FRRS1: variants seen among roughly 807,000 people sequenced by gnomAD.
FRRS1 encodes ferric chelate reductase 1, also known as ferric reductase 1.
In FRRS1, 51 loss-of-function variants were observed where a neutral mutation model predicts 70.7. That is an observed-to-expected ratio of 0.72 (90% CI 0.58 to 0.91). The LOEUF is 0.91. Among genes scored for constraint, FRRS1 ranks in the 40% least tolerant of loss-of-function variants. FRRS1 has a pLI of 0.00. For missense variants in FRRS1, 672 were observed against 726.0 expected (o/e 0.93, Z 0.86); for synonymous variants, 225 against 238.7 (o/e 0.94, Z 0.53).
At chr1:99,758,117 A>G (rs1170837343) in intron 1 of FRRS1, among the ~76,000 whole-genome samples, 2 of 152,220 alleles carry the variant, frequency 1.3e-5, no homozygotes, top group Admixed American at 6.5e-5. Context: ...GGAATAGTCA[A>G]GTATGCATTG....
intron 7 of FRRS1, among the ~76,000 whole-genome samples, chr1:99,733,831 G>C (rs1433366561): frequency 6.6e-6 from 1 of 152,174 alleles, no homozygotes; most frequent in Non-Finnish European, 1.5e-5. Context: ...TTGGGGAACA[G>C]ATTATTCATA....
At chr1:99,753,525 C>T (rs1656678511) in intron 1 of FRRS1, among the ~76,000 whole-genome samples, 2 of 151,904 alleles carry the variant, frequency 1.3e-5, no homozygotes, top group Non-Finnish European at 1.5e-5. Flanking sequence ...CCCAACACTT[C>T]GGGAGGCTGA....
chr1:99,708,597 CAAAAAAAAAAAAA>C lies in FRRS1; in HGVS notation c.*418_*430del, dbSNP rs1158040637. ...TGGGCGACAGAGCAAGACTCTGTCT[CAAAAAAAAAAAAA>C]AAAAAAAAAAAAAAAATATATATAT... On this transcript the variant is annotated 3_prime_UTR_variant, in exon 17 of 17. Coordinates refer to ENST00000646001, the MANE Select transcript of FRRS1 (RefSeq NM_001361041.2). 3 of 12,722 alleles carry C rather than the reference CAAAAAAAAAAAAA, an allele frequency of 2.4e-4. No homozygotes were observed. Among genetic ancestry groups the C allele is most frequent in the Admixed American group, 1.6e-3 (1 of 622 alleles). The allele number at this position is 12,722 out of a possible 1,614,324, so 0.8% of individuals were successfully genotyped here. A position where few individuals can be genotyped will look rare whatever the true frequency, so the allele number is the denominator to read the frequency against.
At chr1:99,734,425 T>A (rs1655548381) in intron 7 of FRRS1, among the ~76,000 whole-genome samples, 1 of 152,176 alleles carries the variant, frequency 6.6e-6, no homozygotes, top group Non-Finnish European at 1.5e-5. Flanking sequence ...AAAATATGTA[T>A]TTATATACAC....
intron 6 of FRRS1, among the ~76,000 whole-genome samples, chr1:99,739,480 G>T (rs562667945): frequency 6.6e-6 from 1 of 152,258 alleles, no homozygotes; most frequent in African/African-American, 2.4e-5. Context: ...TAATTGTATG[G>T]TCAAACGAAA....
At chr1:99,754,005 A>G (rs1434901257) in intron 1 of FRRS1, among the ~76,000 whole-genome samples, 1 of 152,232 alleles carries the variant, frequency 6.6e-6, no homozygotes, top group African/African-American at 2.4e-5. Context: ...TTAATTTCAG[A>G]CAGTAGACTT....
At chr1:99,731,245 A>G (rs1655367639) in intron 7 of FRRS1, among the ~76,000 whole-genome samples, 1 of 152,198 alleles carries the variant, frequency 6.6e-6, no homozygotes, top group African/African-American at 2.4e-5. Flanking sequence ...TAAACTATCT[A>G]ACAAGGTTCT....
intron 1 of FRRS1, among the ~76,000 whole-genome samples, chr1:99,750,887 A>G (rs1656538940): frequency 6.6e-6 from 1 of 152,210 alleles, no homozygotes; most frequent in Non-Finnish European, 1.5e-5. Context: ...AAAAAACTAC[A>G]TCTAGGTATA....
At chr1:99,753,084 G>A (rs974557062) in intron 1 of FRRS1, among the ~76,000 whole-genome samples, 23 of 151,226 alleles carry the variant, frequency 1.5e-4, no homozygotes, top group Admixed American at 6.6e-5. Flanking sequence ...GTGGTGGCAC[G>A]TGCCTATGAC....
Position 99,717,509 on chromosome 1 carries a change from CACA to C in FRRS1, c.1134_1136del (p.Phe378_Val379delinsLeu). 6.2e-7 allele frequency: 1 copy of C among 1,612,728 alleles called. No homozygotes were observed. The highest frequency in any genetic ancestry group is 8.5e-7 in the Non-Finnish European group (1 of 1,178,782). ...CTATGCTAACAGTAGTCATCCATGCCACAAACATTAAGGCACCTACAAGTGAGA... is the reference window on the plus strand; with the variant it reads ...CTATGCTAACAGTAGTCATCCATGCCAACATTAAGGCACCTACAAGTGAGA... On this transcript the variant is annotated inframe_deletion, in exon 11 of 17. Coordinates refer to ENST00000646001, the MANE Select transcript of FRRS1 (RefSeq NM_001361041.2).
chr1:99,756,391 TATG>T (rs758509394), intron 1 of FRRS1, among the ~76,000 whole-genome samples: 1 of 152,182 alleles, frequency 6.6e-6, no homozygotes, highest in Non-Finnish European at 1.5e-5. Context: ...AGTAAAAGGG[TATG>T]ATGACTGCTA....
At chr1:99,759,781 T>A (rs935164868) in intron 1 of FRRS1, among the ~76,000 whole-genome samples, 3 of 152,234 alleles carry the variant, frequency 2.0e-5, no homozygotes, top group Admixed American at 2.0e-4. Flanking sequence ...AAACCACGTC[T>A]GATGGAATCC....
intron 7 of FRRS1, among the ~76,000 whole-genome samples, chr1:99,730,728 A>G (rs923245643): frequency 2.8e-4 from 43 of 152,180 alleles, no homozygotes; most frequent in Admixed American, 1.3e-3. Flanking sequence ...TTAGCTGGGC[A>G]TGGTAGTGGG....
Position 99,703,996 on chromosome 1 carries a change from CATA to C in FRRS1, c.*5029_*5031del, listed in dbSNP as rs1450452752. Among the ~76,000 whole-genome samples, 4 of 152,084 alleles carry C rather than the reference CATA, an allele frequency of 2.6e-5. No homozygotes were observed. The highest frequency in any genetic ancestry group is 5.9e-5 in the Non-Finnish European group (4 of 68,030). On this transcript the variant is annotated 3_prime_UTR_variant, in exon 17 of 17. Transcript: ENST00000646001. The stretch of plus-strand genomic sequence containing the variant: ...CCTGCGTCTGCTTTATTTTATTCAG[CATA>C]ATGTTTTCAAGATGAATATCAAATA...
intron 7 of FRRS1, among the ~76,000 whole-genome samples, chr1:99,730,539 T>C (rs866202061): frequency 5.3e-5 from 8 of 151,672 alleles, no homozygotes; most frequent in African/African-American, 9.7e-5. Context: ...CTGGGCAATA[T>C]GGTGAGACTT....
chr1:99,745,298 T>A (rs981680316), intron 4 of FRRS1, among the ~76,000 whole-genome samples: 6 of 152,178 alleles, frequency 3.9e-5, no homozygotes, highest in African/African-American at 7.2e-5. Context: ...CTACAAGAAG[T>A]CCTGGACAAT....
At chr1:99,757,977 A>G (rs1447685366) in intron 1 of FRRS1, among the ~76,000 whole-genome samples, 1 of 151,898 alleles carries the variant, frequency 6.6e-6, no homozygotes, top group African/African-American at 2.4e-5. Context: ...AGAATCACAA[A>G]AACAGTCTAT....
chr1:99,743,168 T>C (rs1347447190), intron 4 of FRRS1, among the ~76,000 whole-genome samples: 2 of 152,176 alleles, frequency 1.3e-5, no homozygotes, highest in Non-Finnish European at 2.9e-5. Flanking sequence ...TAAAAACATA[T>C]TGCACATAAA....
chr1:99,706,750 C>T lies in FRRS1; in HGVS notation c.*2278G>A, dbSNP rs535547770. 1.3e-3 allele frequency among the ~76,000 whole-genome samples: 196 copies of T among 152,034 alleles called. No individual in the cohort carries two copies. Among genetic ancestry groups the T allele is most frequent in the African/African-American group, 4.3e-3 (177 of 41,448 alleles). Reference sequence around the variant, plus strand: ...CTCTACTAAAAATATAAAAATTAGCCGAGACTGGTGGTGCACACCTGTAGT... The same window carrying T: ...CTCTACTAAAAATATAAAAATTAGCTGAGACTGGTGGTGCACACCTGTAGT... On this transcript the variant is annotated 3_prime_UTR_variant, in exon 17 of 17. Transcript: ENST00000646001.
Sources: allele counts gnomAD v4.1 joint callset (sites outside exome capture counted in the v4.1 genomes callset), GRCh38; gene constraint gnomAD v4.1.1; transcripts MANE v1.5; gene names NCBI Gene and HGNC (gene_info 2026-07-23, HGNC 2026-07-21).